ANKFN1: variants seen among roughly 807,000 people sequenced by gnomAD.
ANKFN1 encodes ankyrin repeat and fibronectin type III domain containing 1, also known as ankyrin repeat and fibronectin type-III domain-containing protein 1.
In ANKFN1, 74 loss-of-function variants were observed where a neutral mutation model predicts 108.7. That is an observed-to-expected ratio of 0.68 (90% CI 0.56 to 0.83). The LOEUF (loss-of-function observed/expected upper bound fraction) is 0.83, where lower values mean the gene tolerates loss of function less well. ANKFN1 is among the 40% of genes least tolerant of loss of function. The probability of loss-of-function intolerance (pLI) is 0.00; values close to 1 mark genes in which losing one functional copy is unlikely to be tolerated. For missense variants in ANKFN1, 1,505 were observed against 1,382.3 expected (o/e 1.09, Z -1.41); for synonymous variants, 547 against 516.2 (o/e 1.06, Z -0.81).
At chr17:56,418,255 G>A (rs1276952639) in intron 8 of ANKFN1, among the ~76,000 whole-genome samples, 3 of 152,144 alleles carry the variant, frequency 2.0e-5, no homozygotes, top group Non-Finnish European at 2.9e-5. Flanking sequence ...AAAGGCGAAG[G>A]ATGTGTCTGT....
intron 2 of ANKFN1, among the ~76,000 whole-genome samples, chr17:56,225,945 T>G (rs1916235328): frequency 6.6e-6 from 1 of 152,240 alleles, no homozygotes; most frequent in South Asian, 2.1e-4. Flanking sequence ...ACAGATAATT[T>G]TCTTTGTGAA....
intron 1 of ANKFN1, among the ~76,000 whole-genome samples, chr17:56,166,169 C>G (rs1280131450): frequency 6.6e-6 from 1 of 152,154 alleles, no homozygotes; most frequent in Non-Finnish European, 1.5e-5. Context: ...AGTTATGCTA[C>G]AATGTAACCA....
At chr17:56,466,716 GCTTATTTTTTATTTATCACTCCCTAGA>G in intron 15 of ANKFN1, 145 bp downstream of exon 15, 1 of 689,550 alleles carries the variant, frequency 1.5e-6, no homozygotes, top group South Asian at 2.0e-5. Context: ...AAATGCAGAA[GCTTATTTTTTATTTATCACTCCCTAGA>G]TGTGGAATTC....
intron 1 of ANKFN1, chr17:56,174,487 TC>T (rs35416447): frequency 1.1e-6 from 1 of 876,656 alleles, no homozygotes; most frequent in Non-Finnish European, 1.4e-6. Flanking sequence ...TTACTTGTGC[TC>T]CCCCTCCATG....
At chr17:56,056,436 G>T (rs987761079) in intron 4 of ANKFN1, among the ~76,000 whole-genome samples, 2 of 149,360 alleles carry the variant, frequency 1.3e-5, no homozygotes, top group African/African-American at 2.5e-5. Context: ...CTACAAGGCT[G>T]CAGTGACTGA....
chr17:56,128,892 C>A (rs1445261530), intron 4 of ANKFN1, among the ~76,000 whole-genome samples: 1 of 152,156 alleles, frequency 6.6e-6, no homozygotes, highest in Admixed American at 6.5e-5. Flanking sequence ...TAAGGCAGAA[C>A]TATTGGTCAC....
chr17:56,495,665 GT>G (rs1305664532), intron 19 of ANKFN1, among the ~76,000 whole-genome samples: 1 of 152,168 alleles, frequency 6.6e-6, no homozygotes, highest in Non-Finnish European at 1.5e-5. Context: ...AAATGTCAAA[GT>G]GTGAAGACCT....
At chr17:56,381,016 A>G (rs1427534110) in intron 8 of ANKFN1, among the ~76,000 whole-genome samples, 1 of 152,210 alleles carries the variant, frequency 6.6e-6, no homozygotes, top group African/African-American at 2.4e-5. Context: ...ACCTCCAAGC[A>G]GCCTAACTGG....
intron 13 of ANKFN1, among the ~76,000 whole-genome samples, 163 bp from the exon 14 acceptor site, chr17:56,457,700 T>C (rs1003197791): frequency 6.6e-6 from 1 of 152,204 alleles, no homozygotes; most frequent in South Asian, 2.1e-4. Flanking sequence ...CAGATCTTTT[T>C]CCAATTGGAC....
intron 8 of ANKFN1, among the ~76,000 whole-genome samples, chr17:56,422,793 TA>T (rs1386766551): frequency 4.6e-5 from 7 of 152,058 alleles, no homozygotes; most frequent in South Asian, 2.1e-4. Context: ...CATTTTCCAC[TA>T]AAAAAAATGG....
At chr17:56,229,271 A>C (rs1456986951) in intron 3 of ANKFN1, among the ~76,000 whole-genome samples, 1 of 152,110 alleles carries the variant, frequency 6.6e-6, no homozygotes, top group Non-Finnish European at 1.5e-5. Flanking sequence ...AGCAGCTTTT[A>C]CCAAGAAAGT....
chr17:56,207,436 G>A (rs758200039), intron 1 of ANKFN1, among the ~76,000 whole-genome samples: 3 of 152,144 alleles, frequency 2.0e-5, no homozygotes, highest in South Asian at 2.1e-4. Context: ...AAGCTCTTAC[G>A]GATGCAGCTG....
intron 11 of ANKFN1, among the ~76,000 whole-genome samples, chr17:56,454,942 G>T (rs2049635111): frequency 6.6e-6 from 1 of 152,138 alleles, no homozygotes; most frequent in Non-Finnish European, 1.5e-5. Flanking sequence ...TTCTAGAGTA[G>T]GGAAGAGGTA....
intron 1 of ANKFN1, among the ~76,000 whole-genome samples, chr17:56,193,471 CA>C (rs1039415492): frequency 0.02 from 1,769 of 88,334 alleles, 47 homozygotes; most frequent in African/African-American, 0.071. Context: ...TAAAAAAAAA[CA>C]AAAAAAATAC....
chr17:56,394,705 C>T (rs1438633080), intron 8 of ANKFN1, among the ~76,000 whole-genome samples: 1 of 152,148 alleles, frequency 6.6e-6, no homozygotes, highest in Non-Finnish European at 1.5e-5. Context: ...CCACTCAAGG[C>T]ACATGCAGAC....
At position 56,510,653 on chromosome 17, in the gene ANKFN1, T is replaced by C. The variant is rs2051719316; in HGVS notation, c.2825T>C (p.Val942Ala). The change falls in exon 21 of 21, where the codon GTG becomes GCG. Residue 942 changes from valine (V) to alanine (A), a missense_variant. Transcript: ENST00000682825. Reference protein sequence around the residue: ...LSGSAPDVLQVHDVKTPLGPG... With the variant: ...LSGSAPDVLQAHDVKTPLGPG... ...GGCAGCGCCCCCGACGTCCTGCAAG[T>C]GCACGACGTGAAAACCCCTCTGGGG... 9 of 1,536,162 alleles carry C rather than the reference T, an allele frequency of 5.9e-6. No individual in the cohort carries two copies. The highest frequency in any genetic ancestry group is 7.0e-6 in the Non-Finnish European group (8 of 1,146,906).
chr17:56,180,426 G>A (rs959169993), intron 1 of ANKFN1, among the ~76,000 whole-genome samples: 6 of 152,142 alleles, frequency 3.9e-5, no homozygotes, highest in Non-Finnish European at 8.8e-5. Context: ...CTAAGATTCA[G>A]GCTAGAAGCC....
intron 1 of ANKFN1, among the ~76,000 whole-genome samples, chr17:56,207,754 TTC>T (rs1914653168): frequency 6.6e-6 from 1 of 152,184 alleles, no homozygotes; most frequent in African/African-American, 2.4e-5. Context: ...TCCTTTTTCT[TTC>T]TCTTTCTCTT....
chr17:56,055,969 AT>A (rs753557475), intron 4 of ANKFN1, among the ~76,000 whole-genome samples: 3 of 151,918 alleles, frequency 2.0e-5, no homozygotes, highest in Admixed American at 6.6e-5. Flanking sequence ...TTCTCTGACA[AT>A]TATTGATGTT....
Sources: gnomAD v4.1 joint callset for allele counts (sites outside exome capture counted in the v4.1 genomes callset) on GRCh38, gnomAD v4.1.1 for gene constraint, MANE v1.5 for transcripts, NCBI Gene and HGNC (gene_info 2026-07-23, HGNC 2026-07-21) for gene names.